GALNT17: variants seen among roughly 807,000 people sequenced by gnomAD.
The protein encoded by GALNT17 is polypeptide N-acetylgalactosaminyltransferase 17.
In GALNT17, 29 loss-of-function variants were observed where a neutral mutation model predicts 63.7. The ratio of observed to expected loss-of-function variants is 0.46; its 90% CI spans 0.34 to 0.62. The LOEUF (loss-of-function observed/expected upper bound fraction) is 0.62, where lower values mean the gene tolerates loss of function less well. GALNT17 is among the 20% of genes least tolerant of loss of function. GALNT17 has a pLI of 0.01. For synonymous variants in GALNT17, 305 were observed against 318.3 expected (o/e 0.96, Z 0.45); for missense variants, 603 against 799.6 (o/e 0.75, Z 2.97).
At chr7:71,383,337 G>A (rs528136686) in intron 2 of GALNT17, among the ~76,000 whole-genome samples, 1 of 152,174 alleles carries the variant, frequency 6.6e-6, no homozygotes, top group South Asian at 2.1e-4. Flanking sequence ...CATAAACTAC[G>A]CACATCCTCA....
At chr7:71,193,246 A>G (rs1788986349) in intron 1 of GALNT17, among the ~76,000 whole-genome samples, 1 of 151,976 alleles carries the variant, frequency 6.6e-6, no homozygotes, top group East Asian at 1.9e-4. Context: ...CTACAGGTGC[A>G]CACCACTATG....
At chr7:71,464,865 A>C (rs910863934) in intron 5 of GALNT17, among the ~76,000 whole-genome samples, 4 of 109,116 alleles carry the variant, frequency 3.7e-5, no homozygotes, top group Non-Finnish European at 8.3e-5. Context: ...TTACAATTGC[A>C]GCTGAGTTCA....
chr7:71,627,142 G>C (rs922176955), intron 6 of GALNT17, among the ~76,000 whole-genome samples: 1 of 152,248 alleles, frequency 6.6e-6, no homozygotes, highest in Non-Finnish European at 1.5e-5. Flanking sequence ...ACGTTTGGAA[G>C]CTTGTGACTT....
chr7:71,237,042 A>G (rs1789904634), intron 1 of GALNT17, among the ~76,000 whole-genome samples: 2 of 152,152 alleles, frequency 1.3e-5, no homozygotes, highest in South Asian at 4.2e-4. Context: ...CTCCCTGACA[A>G]TGCACAAACA....
intron 1 of GALNT17, among the ~76,000 whole-genome samples, chr7:71,261,820 A>C (rs771786425): frequency 6.6e-6 from 1 of 152,194 alleles, no homozygotes; most frequent in East Asian, 1.9e-4. Context: ...TATTCCTCTT[A>C]GGAATCGGAG....
At chr7:71,495,625 A>G (rs1028753144) in intron 5 of GALNT17, among the ~76,000 whole-genome samples, 5 of 152,110 alleles carry the variant, frequency 3.3e-5, no homozygotes, top group Non-Finnish European at 7.4e-5. Flanking sequence ...CCAGGCCCCT[A>G]ATGACTGATC....
chr7:71,256,023 A>G (rs542739779), intron 1 of GALNT17, among the ~76,000 whole-genome samples: 16 of 152,184 alleles, frequency 1.1e-4, no homozygotes, highest in Non-Finnish European at 1.8e-4. Flanking sequence ...AGAAGCATTT[A>G]CAATCTATTC....
At chr7:71,619,323 G>A (rs148957096) in intron 6 of GALNT17, among the ~76,000 whole-genome samples, 63 of 152,278 alleles carry the variant, frequency 4.1e-4, no homozygotes, top group African/African-American at 1.3e-3. Flanking sequence ...TTCTGATTCC[G>A]TGAAGAATGA....
chr7:71,639,073 T>C (rs570456681), intron 6 of GALNT17, among the ~76,000 whole-genome samples: 56 of 152,192 alleles, frequency 3.7e-4, no homozygotes, highest in Non-Finnish European at 7.2e-4. Flanking sequence ...CATTTTAAGA[T>C]AACTAAAAGA....
chr7:71,641,706 TG>T (rs930939882), intron 6 of GALNT17, among the ~76,000 whole-genome samples: 1 of 151,846 alleles, frequency 6.6e-6, no homozygotes, highest in Admixed American at 6.6e-5. Context: ...ACATGAATTT[TG>T]GGGAGACATG....
intron 2 of GALNT17, among the ~76,000 whole-genome samples, chr7:71,336,032 C>CTTTTT: frequency 4.7e-5 from 1 of 21,286 alleles, no homozygotes; most frequent in Non-Finnish European, 8.6e-5. Context: ...TTCTTTCTTC[C>CTTTTT]TTTTTTTTTT....
At chr7:71,424,779 CT>C (rs1392536638) in intron 5 of GALNT17, among the ~76,000 whole-genome samples, 2 of 152,180 alleles carry the variant, frequency 1.3e-5, no homozygotes, top group African/African-American at 4.8e-5. Context: ...GGCAGTTTCT[CT>C]TTCTTGCTGT....
intron 2 of GALNT17, among the ~76,000 whole-genome samples, chr7:71,359,135 G>A (rs1315388938): frequency 1.3e-5 from 2 of 152,202 alleles, no homozygotes; most frequent in Non-Finnish European, 2.9e-5. Flanking sequence ...CAAGTACAGT[G>A]CCTTTGTCTG....
intron 3 of GALNT17, among the ~76,000 whole-genome samples, chr7:71,396,890 T>G (rs1434404444): frequency 6.6e-6 from 1 of 152,112 alleles, no homozygotes; most frequent in Non-Finnish European, 1.5e-5. Flanking sequence ...AATTGAATTG[T>G]TTTCTTAATT....
intron 2 of GALNT17, among the ~76,000 whole-genome samples, chr7:71,371,285 A>G (rs1164508122): frequency 2.0e-5 from 3 of 152,190 alleles, no homozygotes; most frequent in South Asian, 4.1e-4. Flanking sequence ...ACATTTGCTT[A>G]TGATAAAAAA....
At chr7:71,417,989 G>A (rs945003317) in intron 4 of GALNT17, among the ~76,000 whole-genome samples, 2 of 152,120 alleles carry the variant, frequency 1.3e-5, no homozygotes, top group Non-Finnish European at 2.9e-5. Flanking sequence ...GGTCACTGCT[G>A]GAACTCATTC....
At chr7:71,615,871 A>G (rs528423341) in intron 6 of GALNT17, among the ~76,000 whole-genome samples, 90 of 152,204 alleles carry the variant, frequency 5.9e-4, no homozygotes, top group Non-Finnish European at 1.1e-3. Context: ...CTTAGCCTCC[A>G]CTCGGCTTGA....
chr7:71,555,436 A>G (rs1395780943), intron 5 of GALNT17, among the ~76,000 whole-genome samples: 2 of 135,968 alleles, frequency 1.5e-5, no homozygotes, highest in African/African-American at 2.8e-5. Flanking sequence ...CAGTGAGCCC[A>G]GCAGCTTTGT....
chr7:71,415,066 G>A (rs559797161), intron 3 of GALNT17, among the ~76,000 whole-genome samples: 4 of 152,162 alleles, frequency 2.6e-5, no homozygotes, highest in Middle Eastern at 3.4e-3. Context: ...ATGGAGTGCA[G>A]TAGTGTAACT....
Sources: gnomAD v4.1 joint callset for allele counts (sites outside exome capture counted in the v4.1 genomes callset) on GRCh38, gnomAD v4.1.1 for gene constraint, MANE v1.5 for transcripts, NCBI Gene and HGNC (gene_info 2026-07-23, HGNC 2026-07-21) for gene names.